The following MIR2052HG variants were observed in gnomAD, a reference collection of about 807,000 sequenced individuals.
The protein encoded by MIR2052HG is MIR2052 host gene.
chr8:74,636,823 A>G (rs1378625823), intron 2 of MIR2052HG, among the ~76,000 whole-genome samples: 6 of 152,078 alleles, frequency 3.9e-5, no homozygotes, highest in African/African-American at 4.8e-5. Flanking sequence ...TAGATACTCT[A>G]TGGCACCACT....
At chr8:74,746,375 A>G (rs1809885441) in intron 4 of MIR2052HG, among the ~76,000 whole-genome samples, 1 of 152,180 alleles carries the variant, frequency 6.6e-6, no homozygotes. Context: ...CTCATATATG[A>G]AGTACTTGGC....
chr8:74,622,463 G>T (rs1278250720), intron 2 of MIR2052HG, among the ~76,000 whole-genome samples: 1 of 152,104 alleles, frequency 6.6e-6, no homozygotes, highest in Non-Finnish European at 1.5e-5. Context: ...AATTAGCTGA[G>T]TGTGGTGGCA....
At chr8:74,654,404 G>GT (rs571045743) in intron 2 of MIR2052HG, among the ~76,000 whole-genome samples, 1 of 152,076 alleles carries the variant, frequency 6.6e-6, no homozygotes, top group Non-Finnish European at 1.5e-5. Context: ...TGATTTGGCT[G>GT]TATCCCCACC....
At chr8:74,753,043 A>G (rs1809964084) in intron 5 of MIR2052HG, among the ~76,000 whole-genome samples, 1 of 152,240 alleles carries the variant, frequency 6.6e-6, no homozygotes, top group Non-Finnish European at 1.5e-5. Flanking sequence ...GAATCTAATC[A>G]GAAGGTAGGT....
At chr8:74,684,001 T>C (rs269183) in intron 2 of MIR2052HG, among the ~76,000 whole-genome samples, 58,818 of 151,956 alleles carry the variant, frequency 0.39, 14,639 homozygotes, top group African/African-American at 0.71. Flanking sequence ...TCTCTTGCTT[T>C]GTCTGGCACC....
intron 4 of MIR2052HG, among the ~76,000 whole-genome samples, chr8:74,741,734 T>C (rs550741113): frequency 3.4e-4 from 52 of 152,286 alleles, no homozygotes; most frequent in Non-Finnish European, 8.8e-5. Flanking sequence ...ACATAATCTC[T>C]GTGTAAGGCA....
At chr8:74,707,120 A>G (rs1809418878) in intron 4 of MIR2052HG, among the ~76,000 whole-genome samples, 1 of 152,160 alleles carries the variant, frequency 6.6e-6, no homozygotes, top group Non-Finnish European at 1.5e-5. Context: ...TTTGAATCAG[A>G]GAATTTGTGA....
chr8:74,681,322 T>C (rs993866576), intron 2 of MIR2052HG, among the ~76,000 whole-genome samples: 2 of 152,118 alleles, frequency 1.3e-5, no homozygotes, highest in African/African-American at 4.8e-5. Context: ...AAACTTGATG[T>C]ATTTATTGGA....
At chr8:74,733,086 ATTTT>A (rs1447111258) in intron 4 of MIR2052HG, among the ~76,000 whole-genome samples, 1 of 147,572 alleles carries the variant, frequency 6.8e-6, no homozygotes, top group Non-Finnish European at 1.5e-5. Context: ...TTATTTATTT[ATTTT>A]ATTATTATAC....
chr8:74,674,310 C>G (rs1478848809), intron 2 of MIR2052HG, among the ~76,000 whole-genome samples: 3 of 151,632 alleles, frequency 2.0e-5, no homozygotes, highest in African/African-American at 7.3e-5. Context: ...AATTGCCACC[C>G]CCAAGCTAGA....
At chr8:74,672,187 A>G (rs186373096) in intron 2 of MIR2052HG, among the ~76,000 whole-genome samples, 1 of 152,192 alleles carries the variant, frequency 6.6e-6, no homozygotes, top group East Asian at 1.9e-4. Flanking sequence ...TTGGCCTTCT[A>G]TGCATCACAT....
chr8:74,704,264 G>A (rs1461292594), intron 4 of MIR2052HG, among the ~76,000 whole-genome samples: 1 of 151,996 alleles, frequency 6.6e-6, no homozygotes, highest in Non-Finnish European at 1.5e-5. Context: ...GGCAATGAGA[G>A]CATTGGCATG....
chr8:74,690,246 G>A (rs1272724832), intron 2 of MIR2052HG, among the ~76,000 whole-genome samples: 1 of 152,138 alleles, frequency 6.6e-6, no homozygotes, highest in Admixed American at 6.5e-5. Context: ...TGAGAATGTA[G>A]AGGAAAAATT....
intron 2 of MIR2052HG, among the ~76,000 whole-genome samples, chr8:74,622,390 GCT>G (rs1231465593): frequency 6.6e-6 from 1 of 152,176 alleles, no homozygotes; most frequent in Non-Finnish European, 1.5e-5. Context: ...GATAGCTTGA[GCT>G]CAGGAGTTCC....
rs552541562 is a variant in MIR2052HG, at chr8:74,681,556, G to A, written n.217-20823G>A. On this transcript the variant is annotated intron_variant and non_coding_transcript_variant, in intron 2 of 6. Coordinates refer to ENST00000523442, the Ensembl canonical transcript of MIR2052HG. ...GTTGAAATTTAATTGCCAATGTAATGGTATTGGGAGGTGGGGTTTTTGAGA... is the reference window on the plus strand; with the variant it reads ...GTTGAAATTTAATTGCCAATGTAATAGTATTGGGAGGTGGGGTTTTTGAGA... Among the ~76,000 whole-genome samples the A allele has an allele frequency of 2.5e-3, 381 of 152,230 alleles. 1 individual carries two copies. Among genetic ancestry groups the A allele is most frequent in the African/African-American group, 4.2e-3 (176 of 41,538 alleles).
intron 2 of MIR2052HG, among the ~76,000 whole-genome samples, chr8:74,675,530 C>G (rs1377586409): frequency 6.6e-6 from 1 of 151,814 alleles, no homozygotes; most frequent in Non-Finnish European, 1.5e-5. Flanking sequence ...TGGAACCAAT[C>G]CCTGAAGATA....
intron 1 of MIR2052HG, among the ~76,000 whole-genome samples, chr8:74,608,329 A>G (rs1176134335): frequency 1.3e-5 from 2 of 152,194 alleles, no homozygotes; most frequent in African/African-American, 2.4e-5. Flanking sequence ...TGGAGAAAGG[A>G]GAAAAGAAGA....
intron 2 of MIR2052HG, among the ~76,000 whole-genome samples, chr8:74,659,447 T>C (rs535034927): frequency 6.6e-6 from 1 of 152,324 alleles, no homozygotes; most frequent in African/African-American, 2.4e-5. Context: ...TACATGCTTA[T>C]TTTTTATTTT....
chr8:74,702,038 C>G (rs541542744), intron 2 of MIR2052HG, among the ~76,000 whole-genome samples: 3 of 151,988 alleles, frequency 2.0e-5, no homozygotes, highest in East Asian at 1.9e-4. Flanking sequence ...GATGCCAGAA[C>G]GGGTGTTTGC....
Sources: gnomAD v4.1 joint callset for allele counts (sites outside exome capture counted in the v4.1 genomes callset) on GRCh38, gnomAD v4.1.1 for gene constraint, MANE v1.5 for transcripts, NCBI Gene and HGNC (gene_info 2026-07-23, HGNC 2026-07-21) for gene names.